Variants in SLC22A11 observed in about 807,000 individuals in gnomAD.
SLC22A11 encodes the protein solute carrier family 22 member 11.
A neutral mutation model predicts 49.4 loss-of-function variants in SLC22A11; 42 were observed. The ratio of observed to expected loss-of-function variants is 0.85; its 90% CI spans 0.66 to 1.10. SLC22A11 has a LOEUF of 1.10. SLC22A11 is among the 50% of genes least tolerant of loss of function. SLC22A11 has a pLI of 0.00. For missense variants in SLC22A11, 685 were observed against 731.6 expected (o/e 0.94, Z 0.74); for synonymous variants, 304 against 315.8 (o/e 0.96, Z 0.40).
At chr11:64,559,021 G>A in intron 1 of SLC22A11, 114 bp from the exon 2 acceptor site, 1 of 863,382 alleles carries the variant, frequency 1.2e-6, no homozygotes, top group Admixed American at 1.8e-5. Context: ...CTCTACCTCT[G>A]TGACCTGGCA....
At position 64,562,910 on chromosome 11, in the gene SLC22A11, C is replaced by T. The variant is rs1461196392; in HGVS notation, c.821+475C>T. On this transcript the variant is annotated intron_variant, in intron 4 of 9. Coordinates refer to ENST00000301891, the MANE Select transcript of SLC22A11 (RefSeq NM_018484.4). This position sits in a 1 kb window ranked among gnomAD's most constrained non-coding sequence, Gnocchi z 4.4. ...CTGTGAGCATCGTCCTTCCTCAATA[C>T]TTGCACCAGCCCCCACCCACCAGCT... is the stretch of plus-strand genomic sequence containing the variant. 6.6e-6 allele frequency among the ~76,000 whole-genome samples: 1 copy of T among 152,240 alleles called. No homozygotes were observed. Among genetic ancestry groups the T allele is most frequent in the Admixed American group, 6.5e-5 (1 of 15,288 alleles).
In SLC22A11 at chr11:64,567,638, C is replaced by T; in HGVS notation, c.1098C>T (p.Asp366=). Residue 366 remains aspartate, a synonymous_variant, in exon 7 of 10, where the codon GAC becomes GAT. Coordinates refer to ENST00000301891, the MANE Select transcript of SLC22A11 (RefSeq NM_018484.4). ...LLISYYGLVF[D]LQSLGRDIFL... ...TCTCCTACTATGGGCTGGTCTTCGA[C>T]CTGCAGAGCCTGGGCCGTGACATCT... 2 of 1,614,142 alleles carry T rather than the reference C, an allele frequency of 1.2e-6. No individual in the cohort carries two copies. The highest frequency in any genetic ancestry group is 1.7e-6 in the Non-Finnish European group (2 of 1,180,032).
chr11:64,559,103 C>T (rs529627205), intron 1 of SLC22A11, 32 bp from the exon 2 acceptor site: 4 of 1,592,210 alleles, frequency 2.5e-6, no homozygotes, highest in Middle Eastern at 3.3e-4. Context: ...TTCATACCCC[C>T]CGAGCTGAGC....
intron 2 of SLC22A11, among the ~76,000 whole-genome samples, chr11:64,561,196 C>T (rs762239119): frequency 3.9e-5 from 6 of 152,204 alleles, no homozygotes; most frequent in African/African-American, 7.2e-5. Context: ...GCTCTGCATC[C>T]GCCCCATGAG....
At chr11:64,560,681 TCTGACGATGC>T (rs1368066872) in intron 2 of SLC22A11, among the ~76,000 whole-genome samples, 1 of 152,192 alleles carries the variant, frequency 6.6e-6, no homozygotes, top group Non-Finnish European at 1.5e-5. Context: ...AGTGCCTGGC[TCTGACGATGC>T]CTGGCTGGCT....
chr11:64,563,533 C>T (rs2038579171), intron 4 of SLC22A11, among the ~76,000 whole-genome samples: 2 of 148,986 alleles, frequency 1.3e-5, no homozygotes, highest in African/African-American at 5.0e-5. Context: ...TCCTGGCCCA[C>T]CTGCCCCTGA....
At position 64,565,370 on chromosome 11, in the gene SLC22A11, GGCTGGGACAGGCAGGAGGCAGA is replaced by G. The variant is rs747648530; in HGVS notation, c.1058+58_1058+79del. 9.2e-6 allele frequency: 14 copies of G among 1,522,242 alleles called. No individual in the cohort carries two copies. The highest frequency in any genetic ancestry group is 2.4e-5 in the South Asian group (2 of 83,528). The allele number at this position is 1,522,242 out of a possible 1,614,324, so 94.3% of individuals were successfully genotyped here. On this transcript the variant is annotated intron_variant, in intron 6 of 9. Transcript: ENST00000301891. The surrounding 1 kb of genome is among the most constrained non-coding windows in gnomAD (Gnocchi z 4.1). Reference sequence around the variant, plus strand: ...GTCCTGGTGTCCCTCCCCAAGGCAGGGCTGGGACAGGCAGGAGGCAGAGCTGGGACAGGCAGGAGGCAGAGCG... The same window carrying G: ...GTCCTGGTGTCCCTCCCCAAGGCAGGGCTGGGACAGGCAGGAGGCAGAGCG...
intron 4 of SLC22A11, among the ~76,000 whole-genome samples, chr11:64,563,759 A>C (rs2038583753): frequency 6.6e-6 from 1 of 151,796 alleles, no homozygotes; most frequent in Non-Finnish European, 1.5e-5. Flanking sequence ...CTCTACTAAA[A>C]ATACAAAAAA....
chr11:64,568,537 C>A, intron 7 of SLC22A11, 133 bp from the exon 8 acceptor site: 1 of 739,096 alleles, frequency 1.4e-6, no homozygotes, highest in African/African-American at 1.7e-5. Flanking sequence ...GGCAGCCCCG[C>A]ACCAAGCCAG....
chr11:64,559,258 C>G lies in SLC22A11; in HGVS notation c.497+20C>G, dbSNP rs756490650. The G allele has an allele frequency of 6.6e-7, 1 of 1,507,514 alleles. No homozygotes were observed. The highest frequency in any genetic ancestry group is 1.3e-5 in the South Asian group (1 of 79,674). 93.4% of individuals were successfully genotyped at this position (1,507,514 alleles called of 1,614,324 possible). ...CTACCGGTGAGTGCCTCCGCTCCTCCCAGCCCCCAGCTCCCTCAAAACATT... is the reference window on the plus strand; with the variant it reads ...CTACCGGTGAGTGCCTCCGCTCCTCGCAGCCCCCAGCTCCCTCAAAACATT... On this transcript the variant is annotated intron_variant, in intron 2 of 9. Transcript: ENST00000301891.
At chr11:64,558,957 G>C (rs904724433) in intron 1 of SLC22A11, among the ~76,000 whole-genome samples, 178 bp from the exon 2 acceptor site, 6 of 152,186 alleles carry the variant, frequency 3.9e-5, no homozygotes. Flanking sequence ...GTCACATTCT[G>C]TCCTGCAGCT....
At position 64,569,785 on chromosome 11, in the gene SLC22A11, C is replaced by T; in HGVS notation, c.1516C>T (p.Leu506=). The change falls in exon 9 of 10, where the codon CTG becomes TTG. Residue 506 remains leucine, a synonymous_variant. Coordinates refer to ENST00000301891, the MANE Select transcript of SLC22A11 (RefSeq NM_018484.4). ...TGGCGTTATCTCCATTGCTTCCAGCCTGGTTGTGCTGTTCTTCCTCCCGGA... is the reference window on the plus strand; with the variant it reads ...TGGCGTTATCTCCATTGCTTCCAGCTTGGTTGTGCTGTTCTTCCTCCCGGA... ...LYGVISIASS[L]VVLFFLPETQ... 1 of 1,614,136 alleles carries T rather than the reference C, an allele frequency of 6.2e-7. No homozygotes were observed. Among genetic ancestry groups the T allele is most frequent in the Non-Finnish European group, 8.5e-7 (1 of 1,180,034 alleles).
At chr11:64,563,799 C>T (rs2038584362) in intron 4 of SLC22A11, among the ~76,000 whole-genome samples, 1 of 151,596 alleles carries the variant, frequency 6.6e-6, no homozygotes, top group South Asian at 2.1e-4. Flanking sequence ...ACCTGTAGAC[C>T]CTGCTACTCA....
In SLC22A11 at chr11:64,564,644, C is replaced by T. The variant is rs922802605; in HGVS notation, c.942+216C>T. Among the ~76,000 whole-genome samples, 30 of 151,868 alleles carry T rather than the reference C, an allele frequency of 2.0e-4. No homozygotes were observed. The highest frequency in any genetic ancestry group is 7.0e-4 in the African/African-American group (29 of 41,306). ...GATACCATCACCAACAGCACCACCA[C>T]TGTCCACACCCACCATCACCTTCAC... On this transcript the variant is annotated intron_variant, in intron 5 of 9. Transcript: ENST00000301891. The surrounding 1 kb of genome is among the most constrained non-coding windows in gnomAD (Gnocchi z 4.2).
intron 1 of SLC22A11, 28 bp downstream of exon 1, chr11:64,556,420 T>C: frequency 6.2e-7 from 1 of 1,604,430 alleles, no homozygotes; most frequent in Non-Finnish European, 8.5e-7. Context: ...GCCACTCGAG[T>C]CCCGTCACCT....
Position 64,565,390 on chromosome 11 carries a change from A to C in SLC22A11, c.1058+53A>C, listed in dbSNP as rs71456318. On this transcript the variant is annotated intron_variant, in intron 6 of 9. Transcript: ENST00000301891. The surrounding 1 kb of genome is among the most constrained non-coding windows in gnomAD (Gnocchi z 4.1). The stretch of plus-strand genomic sequence containing the variant: ...GGCAGGGCTGGGACAGGCAGGAGGC[A>C]GAGCTGGGACAGGCAGGAGGCAGAG... The C allele has an allele frequency of 0.48, 690,699 of 1,443,958 alleles. 179,200 individuals carry two copies. The highest frequency in any genetic ancestry group is 0.54 in the Non-Finnish European group (570,983 of 1,059,758). The allele number at this position is 1,443,958 out of a possible 1,614,324, so 89.4% of individuals were successfully genotyped here. A position where few individuals can be genotyped will look rare whatever the true frequency, so the allele number is the denominator to read the frequency against.
intron 4 of SLC22A11, among the ~76,000 whole-genome samples, chr11:64,563,806 C>T (rs1208471267): frequency 1.3e-5 from 2 of 151,896 alleles, no homozygotes; most frequent in South Asian, 2.1e-4. Context: ...GACCCTGCTA[C>T]TCAGGAGGCT....
intron 7 of SLC22A11, 133 bp downstream of exon 7, chr11:64,567,946 A>G (rs959182986): frequency 4.2e-6 from 4 of 949,458 alleles, no homozygotes; most frequent in Admixed American, 2.6e-5. Context: ...GAGGGAGGCT[A>G]TGAGGACCTG....
At position 64,564,263 on chromosome 11, in the gene SLC22A11, G is replaced by A. The variant is rs1208034214; in HGVS notation, c.822-45G>A. ...TGCCCCTTTCCACCCCGCCCCGGGGGAGAGCCCAGCGTGCACTCCCAGCTA... is the reference window on the plus strand; with the variant it reads ...TGCCCCTTTCCACCCCGCCCCGGGGAAGAGCCCAGCGTGCACTCCCAGCTA... On this transcript the variant is annotated intron_variant, in intron 4 of 9. Coordinates refer to ENST00000301891, the MANE Select transcript of SLC22A11 (RefSeq NM_018484.4). This position sits in a 1 kb window ranked among gnomAD's most constrained non-coding sequence, Gnocchi z 4.2. The A allele has an allele frequency of 4.3e-6, 7 of 1,610,622 alleles. No homozygotes were observed. Among genetic ancestry groups the A allele is most frequent in the East Asian group, 4.5e-5 (2 of 44,842 alleles).
Sources: gnomAD v4.1 joint callset for allele counts (sites outside exome capture counted in the v4.1 genomes callset) on GRCh38, gnomAD v4.1.1 for gene constraint, Gnocchi (gnomAD v3.1) non-coding constraint, MANE v1.5 for transcripts, NCBI Gene and HGNC (gene_info 2026-07-23, HGNC 2026-07-21) for gene names.